PROSER2: variants seen among roughly 807,000 people sequenced by gnomAD.
PROSER2 encodes proline and serine rich 2, also known as proline and serine-rich protein 2.
PROSER2 carries 18 observed loss-of-function variants against 14.6 expected under a neutral mutation model. The observed-to-expected ratio is 1.23, with a 90% CI of 0.85 to 1.83. The LOEUF (loss-of-function observed/expected upper bound fraction) is 1.83. Ranked by LOEUF, PROSER2 falls within the 40% of genes most tolerant of loss-of-function variation. The pLI is 0.00. For missense variants in PROSER2, 823 were observed against 629.8 expected (o/e 1.31, Z -3.28); for synonymous variants, 367 against 286.4 (o/e 1.28, Z -2.84).
At chr10:11,849,082 G>C (rs548332250) in intron 1 of PROSER2, among the ~76,000 whole-genome samples, 1 of 152,148 alleles carries the variant, frequency 6.6e-6, no homozygotes, top group African/African-American at 2.4e-5. Context: ...AGCTACTTGG[G>C]AGGCTGAGGC....
At chr10:11,857,991 A>G (rs1023710267) in intron 2 of PROSER2, among the ~76,000 whole-genome samples, 8 of 152,204 alleles carry the variant, frequency 5.3e-5, no homozygotes, top group African/African-American at 1.9e-4. Context: ...CTGGAATGCA[A>G]TGGCACAATC....
chr10:11,870,393 G>A lies in PROSER2; in HGVS notation c.1295G>A (p.Arg432Lys), dbSNP rs764378465. 96 of 1,501,688 alleles carry A rather than the reference G, an allele frequency of 6.4e-5. No homozygotes were observed. The highest frequency in any genetic ancestry group is 8.0e-5 in the Non-Finnish European group (90 of 1,127,800). The allele number at this position is 1,501,688 out of a possible 1,614,324, so 93.0% of individuals were successfully genotyped here. A position where few individuals can be genotyped will look rare whatever the true frequency, so the allele number is the denominator to read the frequency against. ...GCCCTGCGGAAGCTGGGGCTGCTCA[G>A]GGAGAGTTCGTGAGGGCCGCGCGGG... Reference protein sequence around the residue: ...REALRKLGLLRESS With the variant: ...REALRKLGLLKESS The change falls in exon 4 of 4, where the codon AGG becomes AAG. Residue 432 changes from arginine (R) to lysine (K), a missense_variant. Physicochemically the swap from Arg to Lys is conservative, Grantham distance 26 (BLOSUM62 2). Transcript: ENST00000277570.
In PROSER2 at chr10:11,870,453, G is replaced by A. The variant is rs182610629; in HGVS notation, c.*47G>A. ...ACCCCGTTTCTCCCCACCCTGAAGA[G>A]AGGGTGAAAGAGTCGCTGCACCCAG... On this transcript the variant is annotated 3_prime_UTR_variant, in exon 4 of 4. Coordinates refer to ENST00000277570, the MANE Select transcript of PROSER2 (RefSeq NM_153256.4). The A allele has an allele frequency of 2.9e-6, 4 of 1,357,158 alleles. No homozygotes were observed. The highest frequency in any genetic ancestry group is 7.1e-5 in the Admixed American group (2 of 28,130). The allele number at this position is 1,357,158 out of a possible 1,614,324, so 84.1% of individuals were successfully genotyped here.
At chr10:11,860,546 C>T (rs1410578728) in intron 2 of PROSER2, among the ~76,000 whole-genome samples, 5 of 151,722 alleles carry the variant, frequency 3.3e-5, no homozygotes, top group African/African-American at 4.8e-5. Flanking sequence ...ACCCAGGAGG[C>T]GGAGATTGCA....
rs757790342 is a variant in PROSER2, at chr10:11,869,896, G to A, written c.798G>A (p.Glu266=). 12 of 1,588,600 alleles carry A rather than the reference G, an allele frequency of 7.6e-6. 1 individual carries two copies. In the Admixed American group the frequency reaches 1.4e-4, roughly 19 times the overall value. The part of the protein sequence containing the change: ...NIIVTNGAAR[E]PRRTLSRAAV... ...TCGTCACCAACGGCGCGGCCCGGGAGCCCCGCAGGACCCTGTCCAGGGCGG... is the reference window on the plus strand; with the variant it reads ...TCGTCACCAACGGCGCGGCCCGGGAACCCCGCAGGACCCTGTCCAGGGCGG... Residue 266 remains glutamate (E), a synonymous_variant, in exon 4 of 4, where the codon GAG becomes GAA. Transcript: ENST00000277570. This position sits in a 1 kb window ranked among gnomAD's most constrained non-coding sequence, Gnocchi z 4.4.
At chr10:11,827,607 A>G (rs1476698405) in intron 1 of PROSER2, among the ~76,000 whole-genome samples, 1 of 151,752 alleles carries the variant, frequency 6.6e-6, no homozygotes, top group Non-Finnish European at 1.5e-5. Context: ...ATCTGGCAGT[A>G]CAGTATTTAT....
intron 1 of PROSER2, among the ~76,000 whole-genome samples, chr10:11,834,837 T>C (rs1833737092): frequency 6.6e-6 from 1 of 152,050 alleles, no homozygotes; most frequent in Non-Finnish European, 1.5e-5. Context: ...GCGCAGTGGC[T>C]CACGCCTGTA....
At position 11,871,468 on chromosome 10, in the gene PROSER2, A is replaced by G. The variant is rs570255456; in HGVS notation, c.*1062A>G. 1 of 152,364 alleles carries G rather than the reference A, an allele frequency of 6.6e-6. No homozygotes were observed. Among genetic ancestry groups the G allele is most frequent in the East Asian group, 1.9e-4 (1 of 5,192 alleles). The allele number at this position is 152,364 out of a possible 1,614,324, so 9.4% of individuals were successfully genotyped here. A position where few individuals can be genotyped will look rare whatever the true frequency, so the allele number is the denominator to read the frequency against. On this transcript the variant is annotated 3_prime_UTR_variant, in exon 4 of 4. Transcript: ENST00000277570. ...ACTTTTTAGAAAACTAATCTCCTTT[A>G]TCATCCAATTTTAGTTCTGCATGTT...
chr10:11,866,383 C>G lies in PROSER2; in HGVS notation c.139-148C>G. On this transcript the variant is annotated intron_variant, in intron 2 of 3. Coordinates refer to ENST00000277570, the MANE Select transcript of PROSER2 (RefSeq NM_153256.4). The surrounding 1 kb of genome is among the most constrained non-coding windows in gnomAD (Gnocchi z 6.0). ...CTTCCATCTGGGTGATGGAGAGGCA[C>G]ACGCAGGCACTGTGTGGCAGGGTAC... 1.2e-6 allele frequency: 1 copy of G among 863,270 alleles called. No individual in the cohort carries two copies. The allele number at this position is 863,270 out of a possible 1,614,324, so 53.5% of individuals were successfully genotyped here. A position where few individuals can be genotyped will look rare whatever the true frequency, so the allele number is the denominator to read the frequency against.
Position 11,870,412 on chromosome 10 carries a change from G to T in PROSER2, c.*6G>T. On this transcript the variant is annotated 3_prime_UTR_variant, in exon 4 of 4. Transcript: ENST00000277570. ...TGCTCAGGGAGAGTTCGTGAGGGCC[G>T]CGCGGGCTCCAGTCCACCCCGTTTC... is the stretch of plus-strand genomic sequence containing the variant. 1 of 1,481,482 alleles carries T rather than the reference G, an allele frequency of 6.7e-7. No homozygotes were observed. The highest frequency in any genetic ancestry group is 8.9e-7 in the Non-Finnish European group (1 of 1,119,264). 91.8% of individuals were successfully genotyped at this position (1,481,482 alleles called of 1,614,324 possible).
intron 2 of PROSER2, among the ~76,000 whole-genome samples, chr10:11,860,956 A>G (rs1834224800): frequency 6.6e-6 from 1 of 152,090 alleles, no homozygotes. Context: ...AAATACAAAA[A>G]TTAACCGGGC....
At chr10:11,832,763 ACTC>A (rs1309001440) in intron 1 of PROSER2, among the ~76,000 whole-genome samples, 2 of 151,782 alleles carry the variant, frequency 1.3e-5, no homozygotes, top group Non-Finnish European at 2.9e-5. Flanking sequence ...GTCTGAAACT[ACTC>A]TTAAGTATTT....
intron 2 of PROSER2, among the ~76,000 whole-genome samples, chr10:11,853,444 C>T (rs879310229): frequency 1.2e-4 from 19 of 152,070 alleles, no homozygotes; most frequent in Admixed American, 4.6e-4. Flanking sequence ...AAAAATTAGC[C>T]GGGCGTGGTG....
At chr10:11,858,822 A>G (rs1234953223) in intron 2 of PROSER2, among the ~76,000 whole-genome samples, 1 of 151,444 alleles carries the variant, frequency 6.6e-6, no homozygotes, top group East Asian at 2.0e-4. Context: ...CAGCCTGGCC[A>G]ATATGGTGAA....
chr10:11,837,446 C>T lies in PROSER2; in HGVS notation c.-82+13976C>T, dbSNP rs1216599517. Among the ~76,000 whole-genome samples, 1 of 152,160 alleles carries T rather than the reference C, an allele frequency of 6.6e-6. No homozygotes were observed. The highest frequency in any genetic ancestry group is 2.4e-5 in the African/African-American group (1 of 41,426). On this transcript the variant is annotated intron_variant, in intron 1 of 3. Transcript: ENST00000277570. The surrounding 1 kb of genome is among the most constrained non-coding windows in gnomAD (Gnocchi z 4.6). ...TTGGGATTGGTGCTGTCTGCAGATC[C>T]AAGCATCCACTGAGGGTCTTGGAAC...
At chr10:11,864,869 G>C (rs562171988) in intron 2 of PROSER2, among the ~76,000 whole-genome samples, 1 of 152,126 alleles carries the variant, frequency 6.6e-6, no homozygotes, top group African/African-American at 2.4e-5. Context: ...GATTACAGGC[G>C]TGAGCCACCG....
rs187528221 is a variant in PROSER2 at position 11,846,668 on chromosome 10, C to T, written c.-81-5329C>T. Reference sequence around the variant, plus strand: ...CACAGGTGTTTTATATTTCATCCAGCACTGAAACAGCTTTGAACAGGCCGG... The same window carrying T: ...CACAGGTGTTTTATATTTCATCCAGTACTGAAACAGCTTTGAACAGGCCGG... On this transcript the variant is annotated intron_variant, in intron 1 of 3. Transcript: ENST00000277570. Among the ~76,000 whole-genome samples, 113 of 152,350 alleles carry T rather than the reference C, an allele frequency of 7.4e-4. 1 individual carries two copies. Among genetic ancestry groups the T allele is most frequent in the Admixed American group, 7.3e-3 (111 of 15,296 alleles).
chr10:11,828,865 A>G (rs1404500060), intron 1 of PROSER2, among the ~76,000 whole-genome samples: 1 of 152,160 alleles, frequency 6.6e-6, no homozygotes, highest in Non-Finnish European at 1.5e-5. Flanking sequence ...TCCGATGTGA[A>G]TTGATAACAG....
chr10:11,843,417 G>A (rs1833878328), intron 1 of PROSER2, among the ~76,000 whole-genome samples: 1 of 151,520 alleles, frequency 6.6e-6, no homozygotes, highest in African/African-American at 2.4e-5. Flanking sequence ...GCCGGGTGCG[G>A]TGGCTCACGC....
Sources: allele counts gnomAD v4.1 joint callset (sites outside exome capture counted in the v4.1 genomes callset), GRCh38; gene constraint gnomAD v4.1.1; non-coding constraint Gnocchi (gnomAD v3.1); transcripts MANE v1.5; gene names NCBI Gene and HGNC (gene_info 2026-07-23, HGNC 2026-07-21).